The following LCORL variants were observed in gnomAD, a reference collection of about 807,000 sequenced individuals.
The protein encoded by LCORL is ligand dependent nuclear receptor corepressor like.
LCORL carries 41 observed loss-of-function variants against 141.8 expected under a neutral mutation model. The observed-to-expected ratio is 0.29, with a 90% CI of 0.23 to 0.38. The LOEUF is 0.38. Ranked by LOEUF, LCORL falls within the 10% of genes least tolerant of loss-of-function variation. The pLI is 1.00. For synonymous variants in LCORL, 618 were observed against 694.1 expected (o/e 0.89, Z 1.72); for missense variants, 1,759 against 2,035.0 (o/e 0.86, Z 2.61).
exon 8 of LCORL, chr4:17,841,475 TGGATGTTTTCTTGG>T (rs1422933927): frequency 2.6e-5 from 4 of 151,978 alleles, no homozygotes; most frequent in African/African-American, 7.2e-5. Context: ...CCCATATTGT[TGGATGTTTTCTTGG>T]GGATAAATGC....
chr4:17,912,555 C>T, intron 4 of LCORL: 1 of 457,862 alleles, frequency 2.2e-6, no homozygotes, highest in Non-Finnish European at 4.3e-6. Flanking sequence ...ACACAGTCTG[C>T]CGGAATTGGA....
chr4:17,863,298 AGAGT>A (rs747899307), intron 7 of LCORL, among the ~76,000 whole-genome samples: 3 of 152,236 alleles, frequency 2.0e-5, no homozygotes, highest in African/African-American at 4.8e-5. Flanking sequence ...CCTGGGCAAC[AGAGT>A]GAGACTCTGT....
exon 7 of LCORL, chr4:17,876,466 C>T: frequency 2.4e-6 from 3 of 1,230,760 alleles, no homozygotes; most frequent in Non-Finnish European, 2.0e-6. Flanking sequence ...CTTATTGTAT[C>T]TTCCAAACGC....
exon 8 of LCORL, chr4:17,845,771 G>A (rs1267965223): frequency 6.2e-7 from 1 of 1,613,558 alleles, no homozygotes; most frequent in South Asian, 1.1e-5. Context: ...CAGCTCGTTA[G>A]AGATGCTGTT....
At chr4:17,853,038 C>A (rs1227244260) in intron 7 of LCORL, among the ~76,000 whole-genome samples, 1 of 140,224 alleles carries the variant, frequency 7.1e-6, no homozygotes, top group East Asian at 2.1e-4. Context: ...AGGCAGTGTG[C>A]TAAAAGCTTG....
chr4:17,866,052 T>G (rs1289635018), intron 7 of LCORL, among the ~76,000 whole-genome samples: 3 of 152,206 alleles, frequency 2.0e-5, no homozygotes, highest in Admixed American at 2.0e-4. Context: ...TTGTATAGTC[T>G]GTTCCTTTGC....
chr4:17,886,025 A>G (rs1188305683), intron 6 of LCORL, 43 bp downstream of exon 6: 5 of 1,064,036 alleles, frequency 4.7e-6, no homozygotes, highest in Non-Finnish European at 6.9e-6. Context: ...TGCAGAGATA[A>G]TTTTATATTA....
chr4:17,975,792 T>C (rs754203807), intron 1 of LCORL, among the ~76,000 whole-genome samples: 1 of 152,210 alleles, frequency 6.6e-6, no homozygotes, highest in Non-Finnish European at 1.5e-5. Context: ...TAGCATATGA[T>C]ATACACTGGT....
At chr4:17,863,749 TC>T in intron 7 of LCORL, among the ~76,000 whole-genome samples, 1 of 152,140 alleles carries the variant, frequency 6.6e-6, no homozygotes, top group South Asian at 2.1e-4. Context: ...TCAACCTAAA[TC>T]CCATCAATGG....
Position 17,942,611 on chromosome 4 carries a change from A to G in LCORL, c.430+19292T>C, listed in dbSNP as rs192354754. Among the ~76,000 whole-genome samples the G allele has an allele frequency of 1.3e-3, 205 of 152,288 alleles. 1 individual carries two copies. Among genetic ancestry groups the G allele is most frequent in the African/African-American group, 4.7e-3 (194 of 41,566 alleles). ...GGGTTTCAACTAGAGATCATCTTTC[A>G]TTTTTATAAGTTACTAAAAATCAAT... On this transcript the variant is annotated intron_variant, in intron 4 of 7. Transcript: ENST00000635767.
chr4:17,888,797 C>A (rs1728660976), intron 5 of LCORL, among the ~76,000 whole-genome samples: 2 of 152,056 alleles, frequency 1.3e-5, no homozygotes, highest in Non-Finnish European at 2.9e-5. Context: ...TCTTTTTTGG[C>A]AATTAAAATT....
chr4:17,997,307 T>G (rs920432615), intron 1 of LCORL, among the ~76,000 whole-genome samples: 1 of 152,170 alleles, frequency 6.6e-6, no homozygotes, highest in Non-Finnish European at 1.5e-5. Flanking sequence ...ACATTCTAAT[T>G]ACATTTATGA....
chr4:17,860,505 C>A (rs1724878251), intron 7 of LCORL, among the ~76,000 whole-genome samples: 1 of 152,172 alleles, frequency 6.6e-6, no homozygotes, highest in Non-Finnish European at 1.5e-5. Flanking sequence ...AGGTCCCTCC[C>A]ACAACACATG....
chr4:17,923,845 G>C (rs76186707), intron 4 of LCORL, among the ~76,000 whole-genome samples: 4,483 of 152,104 alleles, frequency 0.029, 94 homozygotes, highest in African/African-American at 0.055. Flanking sequence ...TTGCAAAATA[G>C]ATTTACAAGG....
chr4:17,997,173 C>A (rs745660594), intron 1 of LCORL, among the ~76,000 whole-genome samples: 10 of 152,160 alleles, frequency 6.6e-5, no homozygotes, highest in Admixed American at 6.5e-5. Flanking sequence ...CCACACTAAA[C>A]AACAGTTTGT....
intron 4 of LCORL, among the ~76,000 whole-genome samples, chr4:17,936,923 TG>T (rs938572829): frequency 6.6e-6 from 1 of 152,200 alleles, no homozygotes; most frequent in African/African-American, 2.4e-5. Flanking sequence ...ACAATAAAGT[TG>T]AACAAATATG....
chr4:17,863,726 C>T (rs1023741123), intron 7 of LCORL, among the ~76,000 whole-genome samples: 7 of 152,102 alleles, frequency 4.6e-5, no homozygotes, highest in Non-Finnish European at 8.8e-5. Flanking sequence ...TTCATAATAG[C>T]AAAGACATGG....
At chr4:17,975,170 T>G (rs1245009124) in intron 1 of LCORL, among the ~76,000 whole-genome samples, 1 of 152,154 alleles carries the variant, frequency 6.6e-6, no homozygotes, top group African/African-American at 2.4e-5. Flanking sequence ...CTAGATCACT[T>G]ATTTGAGACC....
At chr4:18,016,393 T>C (rs1056011213) in intron 1 of LCORL, among the ~76,000 whole-genome samples, 3 of 152,160 alleles carry the variant, frequency 2.0e-5, no homozygotes, top group African/African-American at 7.2e-5. Context: ...TTTGCTGTTT[T>C]ACACTACCAA....
Sources: allele counts gnomAD v4.1 joint callset (sites outside exome capture counted in the v4.1 genomes callset), GRCh38; gene constraint gnomAD v4.1.1; transcripts MANE v1.5; gene names NCBI Gene and HGNC (gene_info 2026-07-23, HGNC 2026-07-21).